Variants in GREM2 observed in about 807,000 individuals in gnomAD.
GREM2 encodes gremlin 2, DAN family BMP antagonist.
A neutral mutation model predicts 14.2 loss-of-function variants in GREM2; 11 were observed. That is an observed-to-expected ratio of 0.78 (90% CI 0.49 to 1.28). GREM2 has a LOEUF of 1.28. GREM2 is among the 50% of genes most tolerant of loss of function. GREM2 has a pLI of 0.00. For synonymous variants in GREM2, 98 were observed against 97.6 expected (o/e 1.00, Z -0.02); for missense variants, 210 against 218.5 (o/e 0.96, Z 0.24).
chr1:240,513,236 C>T (rs1677873990), intron 1 of GREM2, among the ~76,000 whole-genome samples: 1 of 152,036 alleles, frequency 6.6e-6, no homozygotes, highest in Admixed American at 6.6e-5. Flanking sequence ...GAGAGAAGAG[C>T]TAGCATGAGA....
chr1:240,563,101 G>A (rs1352430105), intron 1 of GREM2, among the ~76,000 whole-genome samples: 4 of 149,744 alleles, frequency 2.7e-5, no homozygotes, highest in Non-Finnish European at 5.9e-5. Context: ...ATGCGTGTAT[G>A]TGTGTATGTG....
At chr1:240,569,018 C>T (rs1459131100) in intron 1 of GREM2, among the ~76,000 whole-genome samples, 1 of 152,096 alleles carries the variant, frequency 6.6e-6, no homozygotes, top group Non-Finnish European at 1.5e-5. Flanking sequence ...GCCTCTTCTG[C>T]ACTCCAGCCT....
At chr1:240,554,282 G>C (rs1678912481) in intron 1 of GREM2, among the ~76,000 whole-genome samples, 1 of 151,712 alleles carries the variant, frequency 6.6e-6, no homozygotes, top group Non-Finnish European at 1.5e-5. Flanking sequence ...GTGGTAGCGG[G>C]AGCCGGTAAT....
rs1202465555 is a variant in GREM2 at position 240,543,274 on chromosome 1, T to C, written c.-1-49798A>G. Among the ~76,000 whole-genome samples the C allele has an allele frequency of 2.0e-5, 3 of 152,314 alleles. No individual in the cohort carries two copies. Among genetic ancestry groups the C allele is most frequent in the East Asian group, 3.9e-4 (2 of 5,186 alleles). On this transcript the variant is annotated intron_variant, in intron 1 of 1. Coordinates refer to ENST00000318160, the MANE Select transcript of GREM2 (RefSeq NM_022469.4). This position sits in a 1 kb window ranked among gnomAD's most constrained non-coding sequence, Gnocchi z 6.4. Reference sequence around the variant, plus strand: ...ATCTATTAGTCTGTCGTCATGCTGCTAATAAAAAGACATACCTGAAACTGT... The same window carrying C: ...ATCTATTAGTCTGTCGTCATGCTGCCAATAAAAAGACATACCTGAAACTGT...
chr1:240,494,851 A>G (rs751979490), intron 1 of GREM2, among the ~76,000 whole-genome samples: 1 of 152,162 alleles, frequency 6.6e-6, no homozygotes, highest in Non-Finnish European at 1.5e-5. Context: ...CAATGAGCCG[A>G]GATGGCGTCA....
At chr1:240,496,436 T>G (rs2152555) in intron 1 of GREM2, among the ~76,000 whole-genome samples, 3 of 152,130 alleles carry the variant, frequency 2.0e-5, no homozygotes, top group Admixed American at 6.5e-5. Flanking sequence ...CTTGGCCTTC[T>G]TCCTCACAGT....
At chr1:240,510,280 G>A (rs1465486428) in intron 1 of GREM2, among the ~76,000 whole-genome samples, 1 of 141,342 alleles carries the variant, frequency 7.1e-6, no homozygotes, top group Non-Finnish European at 1.5e-5. Flanking sequence ...TGAGGCAGGA[G>A]AATGGCGTGA....
At chr1:240,586,619 C>A (rs1679604112) in intron 1 of GREM2, among the ~76,000 whole-genome samples, 1 of 152,128 alleles carries the variant, frequency 6.6e-6, no homozygotes, top group South Asian at 2.1e-4. Context: ...GGCTCCCAAC[C>A]CCAACAGAAA....
chr1:240,591,583 C>G (rs1471413736), intron 1 of GREM2, among the ~76,000 whole-genome samples: 1 of 152,166 alleles, frequency 6.6e-6, no homozygotes, highest in African/African-American at 2.4e-5. Flanking sequence ...GCCCACATCT[C>G]CCACCTTCAA....
intron 1 of GREM2, among the ~76,000 whole-genome samples, chr1:240,532,914 T>C (rs2185283): frequency 0.27 from 40,908 of 152,212 alleles, 6,609 homozygotes; most frequent in Non-Finnish European, 0.36. Context: ...CTTCACACTC[T>C]TCATACTCTT....
chr1:240,589,430 C>T (rs560147096), intron 1 of GREM2, among the ~76,000 whole-genome samples: 6,844 of 142,806 alleles, frequency 0.048, 533 homozygotes, highest in African/African-American at 0.17. Context: ...AGCGAAACTC[C>T]ATCTCAGAAA....
At chr1:240,531,536 T>A (rs896554657) in intron 1 of GREM2, 2 of 602,518 alleles carry the variant, frequency 3.3e-6, no homozygotes, top group African/African-American at 4.0e-5. Context: ...CTTCTTCTTT[T>A]CATTGGAAAA....
chr1:240,546,019 A>T (rs1418552639), intron 1 of GREM2, among the ~76,000 whole-genome samples: 1 of 151,958 alleles, frequency 6.6e-6, no homozygotes, highest in African/African-American at 2.4e-5. Context: ...TTCTCCACAG[A>T]CTCTTCCAAT....
chr1:240,563,818 A>G (rs1679119729), intron 1 of GREM2, among the ~76,000 whole-genome samples: 1 of 152,210 alleles, frequency 6.6e-6, no homozygotes, highest in African/African-American at 2.4e-5. Context: ...AATAAAACCT[A>G]TAGGTAGACA....
chr1:240,510,753 T>TTG (rs1226834255), intron 1 of GREM2, among the ~76,000 whole-genome samples: 5 of 152,202 alleles, frequency 3.3e-5, no homozygotes, highest in Admixed American at 3.3e-4. Flanking sequence ...AAATCAAATA[T>TTG]TGTTCTCTTT....
intron 1 of GREM2, among the ~76,000 whole-genome samples, chr1:240,512,382 T>C (rs1677852629): frequency 7.4e-6 from 1 of 135,798 alleles, no homozygotes; most frequent in Non-Finnish European, 1.6e-5. Context: ...AAGTGACTTG[T>C]CTGGATAACT....
At chr1:240,522,674 C>A (rs769386405) in intron 1 of GREM2, among the ~76,000 whole-genome samples, 1 of 152,152 alleles carries the variant, frequency 6.6e-6, no homozygotes, top group Non-Finnish European at 1.5e-5. Flanking sequence ...TGACAATTTT[C>A]TCTGGTGTTT....
intron 1 of GREM2, among the ~76,000 whole-genome samples, chr1:240,557,027 G>A (rs140422118): frequency 2.6e-4 from 39 of 151,798 alleles, no homozygotes; most frequent in African/African-American, 8.5e-4. Flanking sequence ...AAAATTAGCC[G>A]GGTGTGGCGG....
chr1:240,591,092 T>C (rs1398753615), intron 1 of GREM2, among the ~76,000 whole-genome samples: 1 of 152,198 alleles, frequency 6.6e-6, no homozygotes, highest in Non-Finnish European at 1.5e-5. Flanking sequence ...AAATGACTTC[T>C]TAACTGTCTT....
Sources: allele counts gnomAD v4.1 joint callset (sites outside exome capture counted in the v4.1 genomes callset), GRCh38; gene constraint gnomAD v4.1.1; non-coding constraint Gnocchi (gnomAD v3.1); transcripts MANE v1.5; gene names NCBI Gene and HGNC (gene_info 2026-07-23, HGNC 2026-07-21).